The following BZW2 variants were observed in gnomAD, a reference collection of about 807,000 sequenced individuals.
BZW2 encodes eIF5-mimic protein 1.
A neutral mutation model predicts 53.2 loss-of-function variants in BZW2; 23 were observed. The observed-to-expected ratio is 0.43, with a 90% CI of 0.31 to 0.61. The LOEUF (loss-of-function observed/expected upper bound fraction) is 0.61. BZW2 is among the 20% of genes least tolerant of loss of function. The pLI, the probability that BZW2 is intolerant of heterozygous loss-of-function variation, is 0.09. For missense variants in BZW2, 409 were observed against 503.1 expected (o/e 0.81, Z 1.79); for synonymous variants, 227 against 186.4 (o/e 1.22, Z -1.77).
chr7:16,686,063 G>A (rs1371107353), intron 6 of BZW2, 23 bp downstream of exon 6: 17 of 1,609,394 alleles, frequency 1.1e-5, no homozygotes, highest in East Asian at 6.7e-5. Flanking sequence ...CTGTTTTCTC[G>A]CCTGTCAGAC....
chr7:16,648,683 T>G (rs1384403744), intron 1 of BZW2, among the ~76,000 whole-genome samples: 2 of 152,114 alleles, frequency 1.3e-5, no homozygotes, highest in East Asian at 3.9e-4. Flanking sequence ...CAGCAGGCAT[T>G]TCCAGTCATC....
intron 3 of BZW2, among the ~76,000 whole-genome samples, chr7:16,680,830 G>T (rs1782921506): frequency 6.6e-6 from 1 of 151,992 alleles, no homozygotes; most frequent in South Asian, 2.1e-4. Flanking sequence ...AATAGGCCAG[G>T]TGCAGTGGCT....
At chr7:16,656,175 G>A (rs1341058103) in intron 1 of BZW2, among the ~76,000 whole-genome samples, 2 of 142,928 alleles carry the variant, frequency 1.4e-5, no homozygotes, top group Non-Finnish European at 2.9e-5. Flanking sequence ...TCCCAGTACA[G>A]CATTCAGTCC....
Position 16,704,577 on chromosome 7 carries a change from A to G in BZW2, c.1139A>G (p.Lys380Arg). The G allele has an allele frequency of 2.5e-6, 4 of 1,576,048 alleles. No individual in the cohort carries two copies. The highest frequency in any genetic ancestry group is 3.5e-6 in the Non-Finnish European group (4 of 1,150,778). ...GTTCTGAGCGAAGAAGCAATACTGA[A>G]ATGGTATAAGGAAGCACATGTTGCT... ...ADVLSEEAIL[K>R]WYKEAHVAKG... The change falls in exon 11 of 12, where the codon AAA becomes AGA. Residue 380 changes from lysine to arginine, a missense_variant. Physicochemically the swap from Lys to Arg is conservative, Grantham distance 26 (BLOSUM62 2). Coordinates refer to ENST00000258761, the MANE Select transcript of BZW2 (RefSeq NM_014038.3).
At chr7:16,685,870 C>CTTT in intron 5 of BZW2, 35 bp from the exon 6 acceptor site, 8 of 1,426,518 alleles carry the variant, frequency 5.6e-6, no homozygotes, top group East Asian at 2.6e-5. Context: ...TTTTCTTTTT[C>CTTT]TTTTTCTTTT....
chr7:16,650,831 T>C (rs1476988241), intron 1 of BZW2, among the ~76,000 whole-genome samples: 2 of 152,208 alleles, frequency 1.3e-5, no homozygotes, highest in South Asian at 4.1e-4. Flanking sequence ...CCGTTCTAAA[T>C]TTGGCGTGTA....
intron 2 of BZW2, among the ~76,000 whole-genome samples, chr7:16,666,266 TAAAA>T (rs1292602988): frequency 6.6e-6 from 1 of 151,856 alleles, no homozygotes; most frequent in Admixed American, 6.6e-5. Context: ...GGCTACGTTT[TAAAA>T]AAATTTTTTT....
At chr7:16,681,241 C>A in intron 3 of BZW2, 60 bp from the exon 4 acceptor site, 1 of 1,303,978 alleles carries the variant, frequency 7.7e-7, no homozygotes, top group Non-Finnish European at 1.1e-6. Context: ...TTGATGTGTT[C>A]TGCAAATGCT....
intron 2 of BZW2, among the ~76,000 whole-genome samples, chr7:16,666,793 C>T (rs1420389958): frequency 6.6e-6 from 1 of 152,102 alleles, no homozygotes; most frequent in Non-Finnish European, 1.5e-5. Flanking sequence ...CTCAGCCACC[C>T]AAGGAGCCAC....
At chr7:16,701,098 G>T (rs1392075540) in intron 10 of BZW2, among the ~76,000 whole-genome samples, 1 of 152,036 alleles carries the variant, frequency 6.6e-6, no homozygotes, top group African/African-American at 2.4e-5. Context: ...TGGAATAAAA[G>T]CAAATAAACT....
intron 1 of BZW2, among the ~76,000 whole-genome samples, chr7:16,655,269 G>A (rs1782095153): frequency 6.6e-6 from 1 of 152,156 alleles, no homozygotes; most frequent in Non-Finnish European, 1.5e-5. Flanking sequence ...AAGGGGTTTT[G>A]TTTAATGGAA....
Position 16,685,889 on chromosome 7 carries a change from T to TTTTTTTTTTTG in BZW2, c.406-10_406-9insTTTTGTTTTTT. 6.8e-7 allele frequency: 1 copy of TTTTTTTTTTTG among 1,475,046 alleles called. No homozygotes were observed. Among genetic ancestry groups the TTTTTTTTTTTG allele is most frequent in the South Asian group, 1.4e-5 (1 of 73,114 alleles). 91.4% of individuals were successfully genotyped at this position (1,475,046 alleles called of 1,614,324 possible). Reference sequence around the variant, plus strand: ...CTTTTTCTTTTTCTTTTTTTTTTTTTTTTTTTGACCCACAGCTTCTCCTCT... The same window carrying TTTTTTTTTTTG: ...CTTTTTCTTTTTCTTTTTTTTTTTTTTTTTTTTTTTGTTTTTTGACCCACAGCTTCTCCTCT... On this transcript the variant is annotated splice_polypyrimidine_tract_variant and intron_variant, in intron 5 of 11. Transcript: ENST00000258761.
At chr7:16,665,172 G>A (rs1562479870) in intron 1 of BZW2, among the ~76,000 whole-genome samples, 1 of 152,072 alleles carries the variant, frequency 6.6e-6, no homozygotes, top group African/African-American at 2.4e-5. Flanking sequence ...TGGGCGTGGT[G>A]GCTCACGCTT....
At chr7:16,666,819 A>C (rs184695739) in intron 2 of BZW2, among the ~76,000 whole-genome samples, 2 of 152,216 alleles carry the variant, frequency 1.3e-5, no homozygotes, top group African/African-American at 4.8e-5. Flanking sequence ...TGTGGAGACA[A>C]GGTCTTGCTA....
In BZW2 at chr7:16,677,901, A is replaced by G. The variant is rs146907483; in HGVS notation, c.235+3313A>G. ...GATTTCACTTCTTCACTGCATGTCT[A>G]TACATTCAAGAAGAACATAGGGCCA... is the stretch of plus-strand genomic sequence containing the variant. On this transcript the variant is annotated intron_variant, in intron 3 of 11. Transcript: ENST00000258761. Among the ~76,000 whole-genome samples, 15 of 152,230 alleles carry G rather than the reference A, an allele frequency of 9.9e-5. No individual in the cohort carries two copies. In the East Asian group the frequency reaches 1.7e-3, roughly 18 times the overall value.
At chr7:16,672,622 G>A (rs1782638303) in intron 2 of BZW2, among the ~76,000 whole-genome samples, 1 of 151,740 alleles carries the variant, frequency 6.6e-6, no homozygotes, top group African/African-American at 2.4e-5. Context: ...ATTCTCCATG[G>A]GTTTGGAAAA....
In BZW2 at chr7:16,706,196, A is replaced by T; in HGVS notation, c.*108A>T. The T allele has an allele frequency of 8.0e-7, 1 of 1,247,336 alleles. No homozygotes were observed. Among genetic ancestry groups the T allele is most frequent in the Non-Finnish European group, 1.1e-6 (1 of 871,272 alleles). 77.3% of individuals were successfully genotyped at this position (1,247,336 alleles called of 1,614,324 possible). A position where few individuals can be genotyped will look rare whatever the true frequency, so the allele number is the denominator to read the frequency against. On this transcript the variant is annotated 3_prime_UTR_variant, in exon 12 of 12. Transcript: ENST00000258761. Reference sequence around the variant, plus strand: ...GCTTCTGTTTTCGCAAAGGAAAAAAAAAATAGGATAGGCTTCCCTTGTGCA... The same window carrying T: ...GCTTCTGTTTTCGCAAAGGAAAAAATAAATAGGATAGGCTTCCCTTGTGCA...
chr7:16,652,604 A>G (rs1394551101), intron 1 of BZW2, among the ~76,000 whole-genome samples: 1 of 151,686 alleles, frequency 6.6e-6, no homozygotes, highest in African/African-American at 2.4e-5. Flanking sequence ...GGCTGACTGT[A>G]ACCTCTGTCT....
intron 1 of BZW2, among the ~76,000 whole-genome samples, chr7:16,664,174 C>T (rs1782350918): frequency 1.3e-5 from 2 of 152,148 alleles, no homozygotes; most frequent in African/African-American, 4.8e-5. Flanking sequence ...TATGTTTATA[C>T]TTTGCTCAAT....
Sources: allele counts gnomAD v4.1 joint callset (sites outside exome capture counted in the v4.1 genomes callset), GRCh38; gene constraint gnomAD v4.1.1; transcripts MANE v1.5; gene names NCBI Gene and HGNC (gene_info 2026-07-23, HGNC 2026-07-21).